Variants in SRFBP1 observed in about 807,000 individuals in gnomAD.
SRFBP1 encodes the protein serum response factor-binding protein 1.
A neutral mutation model predicts 45.5 loss-of-function variants in SRFBP1; 47 were observed. The ratio of observed to expected loss-of-function variants is 1.03; its 90% CI spans 0.82 to 1.32. The LOEUF is 1.32. SRFBP1 is among the 40% of genes most tolerant of loss of function. SRFBP1 has a pLI of 0.00. For synonymous variants in SRFBP1, 203 were observed against 166.3 expected (o/e 1.22, Z -1.70); for missense variants, 621 against 484.6 (o/e 1.28, Z -2.64).
chr5:122,006,481 A>C (rs572032064), intron 4 of SRFBP1, among the ~76,000 whole-genome samples: 6 of 151,686 alleles, frequency 4.0e-5, no homozygotes, highest in Admixed American at 3.9e-4. Context: ...TTATGTAAGC[A>C]TTCTGCCCCT....
At chr5:122,075,175 T>C in intron 2 of SRFBP1, 1 of 416,374 alleles carries the variant, frequency 2.4e-6, no homozygotes, top group Non-Finnish European at 4.3e-6. Context: ...AGTCAATTGC[T>C]GTATCCTATC....
chr5:122,051,435 C>T (rs1250502671), intron 2 of SRFBP1, among the ~76,000 whole-genome samples: 5 of 151,548 alleles, frequency 3.3e-5, no homozygotes. Context: ...TCTGGGTGGT[C>T]CTGTTTGGCT....
intron 2 of SRFBP1, among the ~76,000 whole-genome samples, chr5:122,059,074 C>T (rs1443935940): frequency 6.6e-6 from 1 of 152,078 alleles, no homozygotes; most frequent in African/African-American, 2.4e-5. Context: ...TTGTGAAAAC[C>T]TAAACATGAG....
At chr5:122,070,600 C>A in intron 2 of SRFBP1, 2 of 1,481,274 alleles carry the variant, frequency 1.4e-6, no homozygotes, top group South Asian at 1.2e-5. Context: ...CTAAGATAAA[C>A]AAAATAAAAA....
chr5:122,068,511 C>T (rs1228394521), intron 2 of SRFBP1, among the ~76,000 whole-genome samples: 1 of 152,072 alleles, frequency 6.6e-6, no homozygotes, highest in Non-Finnish European at 1.5e-5. Context: ...CTCTCACTTC[C>T]CCTACTCAAA....
chr5:122,077,738 G>A (rs1341486354), downstream of SRFBP1: 11 of 1,571,850 alleles, frequency 7.0e-6, no homozygotes, highest in Non-Finnish European at 9.5e-6. The surrounding 1 kb of genome is among the most constrained non-coding windows in gnomAD (Gnocchi z 4.9). Context: ...CTGCTGGGCG[G>A]AGGCGTTGGC....
chr5:122,004,918 G>T (rs976400336), intron 4 of SRFBP1, among the ~76,000 whole-genome samples: 32 of 152,082 alleles, frequency 2.1e-4, no homozygotes, highest in Non-Finnish European at 4.6e-4. Flanking sequence ...AGTTGTACAG[G>T]AGCATGATGT....
chr5:122,055,095 A>T (rs963009971), intron 2 of SRFBP1, among the ~76,000 whole-genome samples: 2 of 152,160 alleles, frequency 1.3e-5, no homozygotes, highest in Non-Finnish European at 2.9e-5. Flanking sequence ...CTTGTAAATG[A>T]CATACATTTC....
chr5:122,075,377 A>C, exon 3 of SRFBP1: 1 of 1,563,404 alleles, frequency 6.4e-7, no homozygotes, highest in Non-Finnish European at 8.6e-7. Flanking sequence ...AGCAACCCAA[A>C]AGTACCCAGG....
At chr5:122,048,145 C>T (rs1336334169) in intron 2 of SRFBP1, among the ~76,000 whole-genome samples, 1 of 152,092 alleles carries the variant, frequency 6.6e-6, no homozygotes, top group Non-Finnish European at 1.5e-5. Flanking sequence ...GGAATGCTTC[C>T]AGTTTTTGCC....
Position 121,974,222 on chromosome 5 carries a change from G to C in SRFBP1, c.63G>C (p.Lys21Asn). 6.2e-7 allele frequency: 1 copy of C among 1,611,282 alleles called. No individual in the cohort carries two copies. Among genetic ancestry groups the C allele is most frequent in the African/African-American group, 1.3e-5 (1 of 74,906 alleles). ...TTGTGAAGATGAGAAAAGAAGTGAA[G>C]AGAATTCGAGTTTTAGTTATCCGAA... ...NEVVKMRKEVKRIRVLVIRKL... is the reference protein window; with the variant it reads ...NEVVKMRKEVNRIRVLVIRKL... Residue 21 changes from lysine (K) to asparagine (N), a missense_variant, in exon 2 of 8, where the codon AAG (lysine) becomes AAC (asparagine). Coordinates refer to ENST00000339397, the MANE Select transcript of SRFBP1 (RefSeq NM_152546.3).
chr5:121,976,208 T>G (rs531853757), intron 3 of SRFBP1, among the ~76,000 whole-genome samples: 1 of 152,154 alleles, frequency 6.6e-6, no homozygotes, highest in African/African-American at 2.4e-5. Context: ...AAGTGTTTAA[T>G]AGGACAAAGT....
chr5:122,041,018 T>C (rs1753764236), intron 2 of SRFBP1, among the ~76,000 whole-genome samples: 1 of 152,224 alleles, frequency 6.6e-6, no homozygotes, highest in Non-Finnish European at 1.5e-5. Flanking sequence ...GGGACAATTT[T>C]GAACAGTGGT....
At chr5:121,986,673 C>T (rs1752525285) in intron 3 of SRFBP1, among the ~76,000 whole-genome samples, 1 of 151,940 alleles carries the variant, frequency 6.6e-6, no homozygotes, top group Admixed American at 6.6e-5. Flanking sequence ...AATTTGAATC[C>T]CATTTGTCCT....
At chr5:121,972,435 C>A (rs1752219607) in intron 1 of SRFBP1, among the ~76,000 whole-genome samples, 1 of 151,760 alleles carries the variant, frequency 6.6e-6, no homozygotes, top group South Asian at 2.1e-4. Context: ...GTAGAGTGAA[C>A]TGAACAGAAA....
intron 3 of SRFBP1, among the ~76,000 whole-genome samples, chr5:121,991,803 T>G (rs1580511224): frequency 1.3e-5 from 2 of 152,128 alleles, no homozygotes; most frequent in East Asian, 3.8e-4. Context: ...GAACCATGTT[T>G]TAGGAGACAG....
chr5:122,029,695 A>G (rs1405783704), downstream of SRFBP1, among the ~76,000 whole-genome samples: 2 of 152,154 alleles, frequency 1.3e-5, no homozygotes, highest in East Asian at 3.9e-4. Context: ...TGTAGCACTC[A>G]AACTCGTTTG....
chr5:122,048,870 T>G (rs933273596), intron 2 of SRFBP1, among the ~76,000 whole-genome samples: 1 of 152,210 alleles, frequency 6.6e-6, no homozygotes, highest in Non-Finnish European at 1.5e-5. Flanking sequence ...TAGTTTGTCT[T>G]TCTGTGGGAT....
At chr5:121,999,449 CTG>C (rs1328139133) in intron 4 of SRFBP1, among the ~76,000 whole-genome samples, 1 of 152,000 alleles carries the variant, frequency 6.6e-6, no homozygotes, top group African/African-American at 2.4e-5. Context: ...TTTGGGATAT[CTG>C]TAAATGTTAA....
Sources: allele counts gnomAD v4.1 joint callset (sites outside exome capture counted in the v4.1 genomes callset), GRCh38; gene constraint gnomAD v4.1.1; non-coding constraint Gnocchi (gnomAD v3.1); transcripts MANE v1.5; gene names NCBI Gene and HGNC (gene_info 2026-07-23, HGNC 2026-07-21).